Variants in P2RY8 observed in about 807,000 individuals in gnomAD.
P2RY8 encodes the protein P2Y receptor family member 8.
A neutral mutation model predicts 10.0 loss-of-function variants in P2RY8; 6 were observed. The ratio of observed to expected loss-of-function variants is 0.60; its 90% CI spans 0.33 to 1.19. The LOEUF (loss-of-function observed/expected upper bound fraction) is 1.19, where lower values mean the gene tolerates loss of function less well. Among genes scored for constraint, P2RY8 ranks in the 50% most tolerant of loss-of-function variants. The pLI is 0.04. For synonymous variants in P2RY8, 276 were observed against 252.5 expected (o/e 1.09, Z -0.88); for missense variants, 456 against 542.0 (o/e 0.84, Z 1.58).
chrX:1,488,193 C>G (rs1229215953), intron 1 of P2RY8, among the ~76,000 whole-genome samples: 1 of 152,158 alleles, frequency 6.6e-6, no homozygotes. Flanking sequence ...AGGAGCCCCT[C>G]AGCCTGCCTG....
chrX:1,508,702 C>CATCCACCT (rs1224676271), intron 1 of P2RY8, among the ~76,000 whole-genome samples: 2 of 86,516 alleles, frequency 2.3e-5, no homozygotes, highest in South Asian at 7.3e-4. Flanking sequence ...TCCATCCATC[C>CATCCACCT]ATTCTATCTA....
chrX:1,536,176 C>A (rs1384462944), intron 1 of P2RY8, among the ~76,000 whole-genome samples: 9 of 152,040 alleles, frequency 5.9e-5, no homozygotes, highest in South Asian at 2.1e-4. Flanking sequence ...CAATCTCAGG[C>A]GTAAATGGGT....
chrX:1,531,092 A>G (rs6645267), intron 1 of P2RY8, among the ~76,000 whole-genome samples: 15,046 of 151,638 alleles, frequency 0.099, 901 homozygotes, highest in Non-Finnish European at 0.14. Context: ...CTATCTATCT[A>G]TCTATCTAAT....
chrX:1,465,860 C>T lies in P2RY8; in HGVS notation c.699G>A (p.Arg233=). 1 of 1,612,568 alleles carries T rather than the reference C, an allele frequency of 6.2e-7. No individual in the cohort carries two copies. Among genetic ancestry groups the T allele is most frequent in the South Asian group, 1.1e-5 (1 of 91,038 alleles). Residue 233 remains arginine, a synonymous_variant, in exon 2 of 2, where the codon AGG becomes AGA. Coordinates refer to ENST00000381297, the MANE Select transcript of P2RY8 (RefSeq NM_178129.5). The part of the protein sequence containing the change: ...TEEAHGREQR[R]RAVGLAAVVL... ...CCACCGCGGCCAGGCCCACCGCGCG[C>T]CTCCGCTGCTCCCGGCCGTGCGCCT...
At chrX:1,534,414 G>A (rs2092509575) in intron 1 of P2RY8, among the ~76,000 whole-genome samples, 1 of 151,872 alleles carries the variant, frequency 6.6e-6, no homozygotes, top group South Asian at 2.1e-4. Context: ...GTCCTTGGGG[G>A]TGATCCTGGG....
intron 1 of P2RY8, among the ~76,000 whole-genome samples, chrX:1,534,137 TATTTACATATATATTTATATAC>T (rs1389677169): frequency 5.0e-4 from 67 of 135,284 alleles, no homozygotes; most frequent in African/African-American, 1.8e-3. Context: ...TATTTATATA[TATTTACATATATATTTATATAC>T]AATATATTTA....
intron 1 of P2RY8, among the ~76,000 whole-genome samples, chrX:1,492,505 G>A (rs1269204530): frequency 6.6e-6 from 1 of 152,224 alleles, no homozygotes; most frequent in African/African-American, 2.4e-5. Flanking sequence ...CCCTGCAGCT[G>A]AGGGAGGCAG....
chrX:1,522,185 C>T (rs1174188601), intron 1 of P2RY8, among the ~76,000 whole-genome samples: 2 of 151,484 alleles, frequency 1.3e-5, no homozygotes, highest in African/African-American at 4.9e-5. Context: ...GAACCCCTGA[C>T]CTCAGGTGAT....
At chrX:1,511,724 C>G (rs1248657322) in intron 1 of P2RY8, among the ~76,000 whole-genome samples, 1 of 152,198 alleles carries the variant, frequency 6.6e-6, no homozygotes, top group Non-Finnish European at 1.5e-5. Context: ...ATTCTCTTGA[C>G]GGCACTGAGC....
chrX:1,489,079 G>C (rs2092015657), intron 1 of P2RY8, among the ~76,000 whole-genome samples: 1 of 151,674 alleles, frequency 6.6e-6, no homozygotes, highest in African/African-American at 2.4e-5. Flanking sequence ...AATGTGCAGG[G>C]AAAGAATGAA....
At chrX:1,498,416 A>AG (rs2092140754) in intron 1 of P2RY8, among the ~76,000 whole-genome samples, 1 of 151,142 alleles carries the variant, frequency 6.6e-6, no homozygotes, top group Non-Finnish European at 1.5e-5. Flanking sequence ...AAAAAAAAAA[A>AG]AAAAAAAGAA....
At chrX:1,469,086 T>C (rs190016420) in intron 1 of P2RY8, among the ~76,000 whole-genome samples, 7 of 12,024 alleles carry the variant, frequency 5.8e-4, no homozygotes, top group African/African-American at 3.4e-3. Context: ...CTTCCCTCTC[T>C]CCTCTCCTTC....
intron 1 of P2RY8, among the ~76,000 whole-genome samples, chrX:1,484,705 G>A (rs1249844303): frequency 9.0e-5 from 10 of 111,420 alleles, no homozygotes; most frequent in Non-Finnish European, 1.2e-4. Context: ...TCCAGCCTGC[G>A]TGACAGAGCA....
intron 1 of P2RY8, among the ~76,000 whole-genome samples, chrX:1,523,078 A>AAAATAAATAAATAAAT (rs527900056): frequency 1.1e-4 from 15 of 134,854 alleles, no homozygotes; most frequent in Admixed American, 2.3e-4. Context: ...CCCACTGCCA[A>AAAATAAATAAATAAAT]AAATAAATAA....
At chrX:1,524,832 T>C (rs1322177288) in intron 1 of P2RY8, among the ~76,000 whole-genome samples, 5 of 108,504 alleles carry the variant, frequency 4.6e-5, no homozygotes, top group African/African-American at 9.8e-5. Context: ...CATCCATCCA[T>C]CCATCCATCC....
intron 1 of P2RY8, among the ~76,000 whole-genome samples, chrX:1,516,003 T>G (rs2092344868): frequency 5.3e-5 from 6 of 113,168 alleles, no homozygotes; most frequent in East Asian, 3.2e-4. Context: ...GCCAATATGG[T>G]GAAACCCTGT....
At chrX:1,532,582 A>C (rs1186116009) in intron 1 of P2RY8, among the ~76,000 whole-genome samples, 1 of 151,988 alleles carries the variant, frequency 6.6e-6, no homozygotes, top group Non-Finnish European at 1.5e-5. Flanking sequence ...AAAGAATAGC[A>C]TTTGGAGTGG....
chrX:1,492,388 G>A (rs2092062334), intron 1 of P2RY8, among the ~76,000 whole-genome samples: 1 of 152,132 alleles, frequency 6.6e-6, no homozygotes, highest in Non-Finnish European at 1.5e-5. Context: ...GAGAGAGGGT[G>A]TCTCTTTTCC....
intron 1 of P2RY8, among the ~76,000 whole-genome samples, chrX:1,524,669 T>TCATC (rs1208902272): frequency 0.28 from 14,394 of 50,854 alleles, 3,870 homozygotes; most frequent in Middle Eastern, 0.34. Flanking sequence ...ATCCATCCAT[T>TCATC]CATCCATCCA....
Sources: allele counts gnomAD v4.1 joint callset (sites outside exome capture counted in the v4.1 genomes callset), GRCh38; gene constraint gnomAD v4.1.1; transcripts MANE v1.5; gene names NCBI Gene and HGNC (gene_info 2026-07-23, HGNC 2026-07-21).